MAGI1: variants seen among roughly 807,000 people sequenced by gnomAD.
MAGI1 encodes membrane associated guanylate kinase, WW and PDZ domain containing 1.
In MAGI1, 58 loss-of-function variants were observed where a neutral mutation model predicts 139.9. That is an observed-to-expected ratio of 0.41 (90% CI 0.34 to 0.52). The LOEUF is 0.52. Among genes scored for constraint, MAGI1 ranks in the 20% least tolerant of loss-of-function variants. The pLI, the probability that MAGI1 is intolerant of heterozygous loss-of-function variation, is 0.12. For missense variants in MAGI1, 1,874 were observed against 1,901.6 expected, an observed-to-expected ratio of 0.99 and a Z score of 0.27; for synonymous variants, 812 against 737.9, an observed-to-expected ratio of 1.10 and a Z score of -1.63.
intron 18 of MAGI1, among the ~76,000 whole-genome samples, chr3:65,370,245 G>C (rs985489297): frequency 6.6e-6 from 1 of 152,062 alleles, no homozygotes; most frequent in African/African-American, 2.4e-5. Context: ...TCTAGCCTGG[G>C]TGACACAGCG....
At chr3:65,892,877 C>T (rs2060823590) in intron 1 of MAGI1, among the ~76,000 whole-genome samples, 2 of 152,282 alleles carry the variant, frequency 1.3e-5, no homozygotes, top group South Asian at 4.1e-4. Context: ...ACTGAAGAAA[C>T]TGAGGCTTAG....
chr3:65,992,992 G>GT (rs895152431), intron 1 of MAGI1, among the ~76,000 whole-genome samples: 43 of 151,872 alleles, frequency 2.8e-4, no homozygotes, highest in African/African-American at 7.7e-4. Context: ...GCCTGGCTAT[G>GT]TTTTTTTTAA....
chr3:65,516,718 CTTTTTTTTT>C (rs71102867), intron 2 of MAGI1, among the ~76,000 whole-genome samples: 58 of 67,000 alleles, frequency 8.7e-4, no homozygotes, highest in African/African-American at 2.9e-3. Context: ...CATCCCACCT[CTTTTTTTTT>C]TTTTTTTTTT....
chr3:65,700,981 G>A lies in MAGI1; in HGVS notation c.314-78893C>T, dbSNP rs72898296. The stretch of plus-strand genomic sequence containing the variant: ...GGACCCCCAAATCACTTATTCAACC[G>A]CCCCTTTTTAACACAATGCGGCCAC... On this transcript the variant is annotated intron_variant, in intron 1 of 22. Coordinates refer to ENST00000402939, the MANE Select transcript of MAGI1 (RefSeq NM_001033057.2). 3.9e-3 allele frequency among the ~76,000 whole-genome samples: 599 copies of A among 152,054 alleles called. 5 individuals carry two copies. The highest frequency in any genetic ancestry group is 0.014 in the African/African-American group (574 of 41,466).
In MAGI1 at chr3:65,785,274, A is replaced by G. The variant is rs114846626; in HGVS notation, c.314-163186T>C. 2.0e-5 allele frequency among the ~76,000 whole-genome samples: 3 copies of G among 152,210 alleles called. No individual in the cohort carries two copies. In the East Asian group the frequency reaches 5.8e-4, roughly 29 times the overall value. Reference sequence around the variant, plus strand: ...AACCACAAGAGGGCGCTTTCCTCACAGCTACAGAAAACCGAGTGTCTAACA... The same window carrying G: ...AACCACAAGAGGGCGCTTTCCTCACGGCTACAGAAAACCGAGTGTCTAACA... On this transcript the variant is annotated intron_variant, in intron 1 of 22. Coordinates refer to ENST00000402939, the MANE Select transcript of MAGI1 (RefSeq NM_001033057.2).
intron 1 of MAGI1, among the ~76,000 whole-genome samples, chr3:65,771,769 C>A (rs188196164): frequency 5.3e-4 from 80 of 152,290 alleles, no homozygotes; most frequent in African/African-American, 1.7e-3. Context: ...CTCCTTCAGC[C>A]TAACCCAGGA....
At chr3:65,956,170 TAA>T (rs1297192112) in intron 1 of MAGI1, among the ~76,000 whole-genome samples, 6 of 152,102 alleles carry the variant, frequency 3.9e-5, no homozygotes, top group Non-Finnish European at 8.8e-5. Context: ...AAAATAAATA[TAA>T]GAGTATTCTA....
At chr3:65,398,170 T>C (rs1160543315) in intron 13 of MAGI1, among the ~76,000 whole-genome samples, 1 of 152,030 alleles carries the variant, frequency 6.6e-6, no homozygotes, top group African/African-American at 2.4e-5. Flanking sequence ...GAATAATGGA[T>C]GAATGAATGG....
chr3:65,747,225 G>T (rs1386782715), intron 1 of MAGI1, among the ~76,000 whole-genome samples: 1 of 152,184 alleles, frequency 6.6e-6, no homozygotes, highest in Non-Finnish European at 1.5e-5. Context: ...ACCCTCTGAG[G>T]AGTCTTAACA....
At chr3:65,501,193 TA>T (rs1342106491) in intron 2 of MAGI1, among the ~76,000 whole-genome samples, 2 of 152,014 alleles carry the variant, frequency 1.3e-5, no homozygotes, top group Non-Finnish European at 2.9e-5. Context: ...TAAAAAAAAT[TA>T]AACAGGCCAG....
In MAGI1 at chr3:65,783,007, C is replaced by CA. The variant is rs200240907; in HGVS notation, c.314-160920dup. On this transcript the variant is annotated intron_variant, in intron 1 of 22. Coordinates refer to ENST00000402939, the MANE Select transcript of MAGI1 (RefSeq NM_001033057.2). ...ACCTTTAAAAACAAAACAACAACAA[C>CA]AAAAAAAAGAAGAAAAAAGAGAAGT... Among the ~76,000 whole-genome samples, 370 of 148,184 alleles carry CA rather than the reference C, an allele frequency of 2.5e-3. 2 individuals carry two copies. Among genetic ancestry groups the CA allele is most frequent in the Non-Finnish European group, 3.8e-3 (252 of 66,812 alleles).
chr3:65,597,930 G>GT (rs897095401), intron 2 of MAGI1: 15 of 452,296 alleles, frequency 3.3e-5, no homozygotes, highest in Admixed American at 2.6e-4. Context: ...GGGGGTGGGG[G>GT]GGGGGTGGGA....
chr3:65,571,626 A>G (rs905432825), intron 2 of MAGI1, among the ~76,000 whole-genome samples: 1 of 151,956 alleles, frequency 6.6e-6, no homozygotes, highest in East Asian at 1.9e-4. Flanking sequence ...GTTTTAGACA[A>G]TAGGTCAAAT....
intron 3 of MAGI1, among the ~76,000 whole-genome samples, chr3:65,485,140 T>C (rs1951548482): frequency 6.6e-6 from 1 of 152,182 alleles, no homozygotes; most frequent in Admixed American, 6.5e-5. Flanking sequence ...TCACAACACT[T>C]TCTTTCCAGT....
chr3:65,670,380 T>C (rs2086782859), intron 1 of MAGI1, among the ~76,000 whole-genome samples: 1 of 151,810 alleles, frequency 6.6e-6, no homozygotes, highest in South Asian at 2.1e-4. Context: ...GTGCTTGGCT[T>C]CATTATTGCC....
At chr3:65,924,959 G>C (rs548551336) in intron 1 of MAGI1, 1 of 152,232 alleles carries the variant, frequency 6.6e-6, no homozygotes, top group African/African-American at 2.4e-5. Context: ...AAACAAATAA[G>C]TCTGTTGAGC....
At chr3:65,869,160 G>A (rs1348524181) in intron 1 of MAGI1, among the ~76,000 whole-genome samples, 2 of 150,428 alleles carry the variant, frequency 1.3e-5, no homozygotes, top group Admixed American at 1.3e-4. Context: ...AGAGGCAGAG[G>A]CAGGAGAATG....
intron 18 of MAGI1, among the ~76,000 whole-genome samples, chr3:65,369,495 C>A (rs536867003): frequency 6.6e-6 from 1 of 151,706 alleles, no homozygotes; most frequent in African/African-American, 2.4e-5. Flanking sequence ...AGAACAGTGT[C>A]CCAGACGTGA....
intron 2 of MAGI1, among the ~76,000 whole-genome samples, chr3:65,606,441 A>G (rs994934505): frequency 5.3e-5 from 8 of 152,098 alleles, no homozygotes; most frequent in Non-Finnish European, 1.2e-4. Context: ...CCCAGGCTCA[A>G]GCAATCCTCC....
Sources: gnomAD v4.1 joint callset for allele counts (sites outside exome capture counted in the v4.1 genomes callset) on GRCh38, gnomAD v4.1.1 for gene constraint, MANE v1.5 for transcripts, NCBI Gene and HGNC (gene_info 2026-07-23, HGNC 2026-07-21) for gene names.